The following DUSP19 variants were observed in gnomAD, a reference collection of about 807,000 sequenced individuals.
DUSP19 encodes the protein dual specificity phosphatase 19, also known as dual specificity protein phosphatase 19.
A neutral mutation model predicts 16.6 loss-of-function variants in DUSP19; 14 were observed. That is an observed-to-expected ratio of 0.84 (90% CI 0.56 to 1.32). DUSP19 has a LOEUF of 1.32. DUSP19 is among the 40% of genes most tolerant of loss of function. The pLI is 0.00. For synonymous variants in DUSP19, 81 were observed against 90.5 expected (o/e 0.90, Z 0.59); for missense variants, 258 against 255.9 (o/e 1.01, Z -0.06).
At chr2:183,090,458 C>T (rs1171421572) in intron 3 of DUSP19, among the ~76,000 whole-genome samples, 1 of 152,126 alleles carries the variant, frequency 6.6e-6, no homozygotes, top group African/African-American at 2.4e-5. Context: ...TTTTTATGTA[C>T]AAAAGGTACA....
At chr2:183,083,423 TAATAACA>T in intron 1 of DUSP19, 78 bp from the exon 2 acceptor site, 1 of 1,301,196 alleles carries the variant, frequency 7.7e-7, no homozygotes, top group African/African-American at 1.5e-5. Flanking sequence ...CTTTTTTTTT[TAATAACA>T]GAATTGCTGT....
chr2:183,094,965 C>T (rs751059545), intron 3 of DUSP19, among the ~76,000 whole-genome samples: 2 of 152,034 alleles, frequency 1.3e-5, no homozygotes, highest in Non-Finnish European at 2.9e-5. Flanking sequence ...TTTATATACA[C>T]TTATCTACTA....
chr2:183,082,065 T>G (rs1200574813), intron 1 of DUSP19, among the ~76,000 whole-genome samples: 2 of 152,170 alleles, frequency 1.3e-5, no homozygotes. Flanking sequence ...AGAAAGAGAT[T>G]GTAGAAGGGC....
Position 183,082,996 on chromosome 2 carries a change from G to A in DUSP19, c.227-512G>A, listed in dbSNP as rs112580271. On this transcript the variant is annotated intron_variant, in intron 1 of 3. Coordinates refer to ENST00000354221, the MANE Select transcript of DUSP19 (RefSeq NM_080876.4). ...AGCTTACTGTAACCCCGAATTCCTA[G>A]GTTCAAGGGATCCTCCTGCCTTAGC... Among the ~76,000 whole-genome samples the A allele has an allele frequency of 5.9e-4, 90 of 152,004 alleles. 2 individuals are homozygous for A. The highest frequency in any genetic ancestry group is 2.1e-3 in the African/African-American group (85 of 41,448).
chr2:183,088,383 TTTTTG>T (rs1287572165), intron 3 of DUSP19, among the ~76,000 whole-genome samples: 1 of 151,594 alleles, frequency 6.6e-6, no homozygotes, highest in East Asian at 1.9e-4. Context: ...TTTTTTTTGT[TTTTTG>T]TTTTTTGTGT....
rs765228730 is a variant in DUSP19, at chr2:183,095,493, T to A, written c.489T>A (p.Gly163=). 6 of 1,613,808 alleles carry A rather than the reference T, an allele frequency of 3.7e-6. No homozygotes were observed. The highest frequency in any genetic ancestry group is 8.5e-7 in the Non-Finnish European group (1 of 1,179,982). The part of the protein sequence containing the change: ...GVSRAAAIVI[G]FLMNSEQTSF... ...CCAGGGCTGCTGCAATTGTAATAGGTTTCCTGATGAATTCTGAACAAACCT... is the reference window on the plus strand; with the variant it reads ...CCAGGGCTGCTGCAATTGTAATAGGATTCCTGATGAATTCTGAACAAACCT... The change falls in exon 4 of 4, where the codon GGT becomes GGA. Residue 163 remains glycine, a synonymous_variant. Coordinates refer to ENST00000354221, the MANE Select transcript of DUSP19 (RefSeq NM_080876.4).
intron 1 of DUSP19, among the ~76,000 whole-genome samples, chr2:183,079,493 G>C (rs139459134): frequency 1.5e-3 from 225 of 152,164 alleles, no homozygotes; most frequent in African/African-American, 5.2e-3. Flanking sequence ...GAAAAAAAAG[G>C]AATGAAAAAA....
intron 1 of DUSP19, 138 bp downstream of exon 1, chr2:183,079,297 A>T: frequency 1.2e-6 from 1 of 847,998 alleles, no homozygotes; most frequent in Non-Finnish European, 1.8e-6. Flanking sequence ...TTGGATATGG[A>T]ACTTCCATTA....
chr2:183,083,541 T>A lies in DUSP19; in HGVS notation c.260T>A (p.Leu87Gln), dbSNP rs1699621081. The change falls in exon 2 of 4, where the codon CTG (leucine) becomes CAG (glutamine). Residue 87 changes from leucine (L) to glutamine (Q), a missense_variant. Coordinates refer to ENST00000354221, the MANE Select transcript of DUSP19 (RefSeq NM_080876.4). ...GATGCTGCTCATGATTTGGATACAC[T>A]GAAAAAGAATAAGGTAAAAAAATGC... ...SQDAAHDLDT[L>Q]KKNKVTHILN... 3 of 1,611,624 alleles carry A rather than the reference T, an allele frequency of 1.9e-6. No individual in the cohort carries two copies. The highest frequency in any genetic ancestry group is 2.5e-6 in the Non-Finnish European group (3 of 1,178,938).
Position 183,095,568 on chromosome 2 carries a change from T to C in DUSP19, c.564T>C (p.Cys188=). 6.2e-7 allele frequency: 1 copy of C among 1,614,090 alleles called. No individual in the cohort carries two copies. Residue 188 remains cysteine (C), a synonymous_variant, in exon 4 of 4, where the codon TGT becomes TGC. Coordinates refer to ENST00000354221, the MANE Select transcript of DUSP19 (RefSeq NM_080876.4). The part of the protein sequence containing the change: ...SLVKNARPSI[C]PNSGFMEQLR... ...TGAAAAATGCAAGACCTTCCATATG[T>C]CCAAATTCTGGCTTCATGGAGCAGC... is the stretch of plus-strand genomic sequence containing the variant.
rs1247692556 is a variant in DUSP19 at position 183,097,120 on chromosome 2, G to A, written c.*1462G>A. 6.6e-6 allele frequency: 1 copy of A among 151,154 alleles called. No individual in the cohort carries two copies. Among genetic ancestry groups the A allele is most frequent in the Non-Finnish European group, 1.5e-5 (1 of 67,926 alleles). 9.4% of individuals were successfully genotyped at this position (151,154 alleles called of 1,614,324 possible). ...AACGCACTGCAGCCTCTACCTCCTGGGCTCAAGCAGTCCTCCCACCTCAGT... is the reference window on the plus strand; with the variant it reads ...AACGCACTGCAGCCTCTACCTCCTGAGCTCAAGCAGTCCTCCCACCTCAGT... On this transcript the variant is annotated 3_prime_UTR_variant, in exon 4 of 4. Coordinates refer to ENST00000354221, the MANE Select transcript of DUSP19 (RefSeq NM_080876.4).
Position 183,098,148 on chromosome 2 carries a change from G to A in DUSP19, c.*2490G>A, listed in dbSNP as rs1699828282. The A allele has an allele frequency of 1.3e-5, 2 of 152,198 alleles. No homozygotes were observed. Among genetic ancestry groups the A allele is most frequent in the Non-Finnish European group, 2.9e-5 (2 of 68,064 alleles). The allele number at this position is 152,198 out of a possible 1,614,324, so 9.4% of individuals were successfully genotyped here. A position where few individuals can be genotyped will look rare whatever the true frequency, so the allele number is the denominator to read the frequency against. ...GACCGCAAGTGATCCACACGCCTTG[G>A]TCTCCCAAAGTGCTGGGATTACGGT... On this transcript the variant is annotated 3_prime_UTR_variant, in exon 4 of 4. Coordinates refer to ENST00000354221, the MANE Select transcript of DUSP19 (RefSeq NM_080876.4).
intron 3 of DUSP19, among the ~76,000 whole-genome samples, chr2:183,089,003 G>A (rs1699698845): frequency 1.3e-5 from 2 of 152,088 alleles, no homozygotes; most frequent in Non-Finnish European, 2.9e-5. Context: ...GCAAGAGATT[G>A]AATATTCTAA....
chr2:183,080,546 T>C (rs2675083), intron 1 of DUSP19, among the ~76,000 whole-genome samples: 150,317 of 152,296 alleles, frequency 0.99, 74,214 homozygotes, highest in Middle Eastern at 1. Flanking sequence ...AAATACGTCC[T>C]GGCACATTTT....
chr2:183,079,491 AG>A (rs1699565092), intron 1 of DUSP19, among the ~76,000 whole-genome samples: 1 of 152,206 alleles, frequency 6.6e-6, no homozygotes, highest in African/African-American at 2.4e-5. Context: ...TTGAAAAAAA[AG>A]GAATGAAAAA....
At position 183,091,097 on chromosome 2, in the gene DUSP19, C is replaced by G. The variant is rs372261397; in HGVS notation, c.426+3905C>G. ...ATTCAAATCATTTAAAATTTTTGCACAGTATTCTGGTAGTTGGTGATTCTA... is the reference window on the plus strand; with the variant it reads ...ATTCAAATCATTTAAAATTTTTGCAGAGTATTCTGGTAGTTGGTGATTCTA... On this transcript the variant is annotated intron_variant, in intron 3 of 3. Transcript: ENST00000354221. Among the ~76,000 whole-genome samples the G allele has an allele frequency of 1.5e-4, 23 of 152,242 alleles. No homozygotes were observed. The South Asian group carries it at 4.4e-3, about 29-fold the overall frequency.
chr2:183,082,836 TCCTCCCTC>T (rs767449071), intron 1 of DUSP19, among the ~76,000 whole-genome samples: 16 of 144,448 alleles, frequency 1.1e-4, no homozygotes, highest in Admixed American at 2.8e-4. Context: ...GTTCCTTCCT[TCCTCCCTC>T]CCTCCCTCCC....
intron 1 of DUSP19, among the ~76,000 whole-genome samples, chr2:183,081,324 C>T (rs1329377082): frequency 6.6e-6 from 1 of 152,198 alleles, no homozygotes. Flanking sequence ...TGGCTCACTG[C>T]AACCTCTGCC....
chr2:183,085,091 G>A (rs779274073), intron 2 of DUSP19, among the ~76,000 whole-genome samples: 9 of 152,188 alleles, frequency 5.9e-5, no homozygotes, highest in Non-Finnish European at 1.3e-4. Context: ...GGGTGATGTG[G>A]ATCATCTAGG....
Sources: gnomAD v4.1 joint callset for allele counts (sites outside exome capture counted in the v4.1 genomes callset) on GRCh38, gnomAD v4.1.1 for gene constraint, MANE v1.5 for transcripts, NCBI Gene and HGNC (gene_info 2026-07-23, HGNC 2026-07-21) for gene names.